KIRREL3: variants seen among roughly 807,000 people sequenced by gnomAD.
The protein encoded by KIRREL3 is kirre like nephrin family adhesion molecule 3, also known as kin of IRRE-like protein 3.
A neutral mutation model predicts 89.7 loss-of-function variants in KIRREL3; 36 were observed. The observed-to-expected ratio is 0.40, with a 90% CI of 0.31 to 0.53. The LOEUF (loss-of-function observed/expected upper bound fraction) is 0.53. Ranked by LOEUF, KIRREL3 falls within the 20% of genes least tolerant of loss-of-function variation. The pLI is 0.49. For synonymous variants in KIRREL3, 445 were observed against 441.4 expected, an observed-to-expected ratio of 1.01 and a Z score of -0.10; for missense variants, 864 against 1,056.6, an observed-to-expected ratio of 0.82 and a Z score of 2.53.
chr11:126,424,098 T>G lies in KIRREL3; in HGVS notation c.*482A>C, dbSNP rs1591509474. ...TATGAGCAGCAGTGGGGAGCCGGGG[T>G]TTCTGGGGCAGCTCAGTGCTGGGAA... On this transcript the variant is annotated 3_prime_UTR_variant, in exon 17 of 17. Coordinates refer to ENST00000525144, the MANE Select transcript of KIRREL3 (RefSeq NM_032531.4). 1.2e-5 allele frequency: 2 copies of G among 164,202 alleles called. No homozygotes were observed. The highest frequency in any genetic ancestry group is 2.7e-5 in the Non-Finnish European group (2 of 74,904). The allele number at this position is 164,202 out of a possible 1,614,324, so 10.2% of individuals were successfully genotyped here. A position where few individuals can be genotyped will look rare whatever the true frequency, so the allele number is the denominator to read the frequency against.
At position 126,605,574 on chromosome 11, in the gene KIRREL3, G is replaced by A. The variant is rs1328017357; in HGVS notation, c.56-42662C>T. ...AATAGGAGCTCTGCTCACAGCCTGTGCTGGGCACTTCATTTCCCAGAGACA... is the reference window on the plus strand; with the variant it reads ...AATAGGAGCTCTGCTCACAGCCTGTACTGGGCACTTCATTTCCCAGAGACA... On this transcript the variant is annotated intron_variant, in intron 1 of 16. Coordinates refer to ENST00000525144, the MANE Select transcript of KIRREL3 (RefSeq NM_032531.4). The surrounding 1 kb of genome is among the most constrained non-coding windows in gnomAD (Gnocchi z 5.7). 6.6e-6 allele frequency among the ~76,000 whole-genome samples: 1 copy of A among 152,262 alleles called. No individual in the cohort carries two copies. Among genetic ancestry groups the A allele is most frequent in the East Asian group, 1.9e-4 (1 of 5,200 alleles).
Position 126,521,597 on chromosome 11 carries a change from C to T in KIRREL3, c.284-133G>A, listed in dbSNP as rs1958588752. The stretch of plus-strand genomic sequence containing the variant: ...GCAGAGCGGGTGATTGCTCAGGGCT[C>T]TGATCTCAGTGCAAGGAGCACAAAT... On this transcript the variant is annotated intron_variant, in intron 3 of 16. Coordinates refer to ENST00000525144, the MANE Select transcript of KIRREL3 (RefSeq NM_032531.4). The surrounding 1 kb of genome is among the most constrained non-coding windows in gnomAD (Gnocchi z 4.1). The T allele has an allele frequency of 1.3e-6, 1 of 758,228 alleles. No individual in the cohort carries two copies. The highest frequency in any genetic ancestry group is 2.1e-6 in the Non-Finnish European group (1 of 473,878). 47.0% of individuals were successfully genotyped at this position (758,228 alleles called of 1,614,324 possible).
At chr11:126,756,777 T>A (rs1949516855) in intron 1 of KIRREL3, among the ~76,000 whole-genome samples, 1 of 152,218 alleles carries the variant, frequency 6.6e-6, no homozygotes, top group Non-Finnish European at 1.5e-5. Context: ...TTCTCCTTCC[T>A]TTGCTTTGAG....
At position 126,697,560 on chromosome 11, in the gene KIRREL3, T is replaced by A. The variant is rs1469536353; in HGVS notation, c.56-134648A>T. Among the ~76,000 whole-genome samples, 3 of 152,196 alleles carry A rather than the reference T, an allele frequency of 2.0e-5. No homozygotes were observed. The highest frequency in any genetic ancestry group is 4.4e-5 in the Non-Finnish European group (3 of 68,040). ...GCTCTTTGTTTAATGAATGAATACA[T>A]GAATAGTGATTAGAGATGAGGCCCC... On this transcript the variant is annotated intron_variant, in intron 1 of 16. Transcript: ENST00000525144. This position sits in a 1 kb window ranked among gnomAD's most constrained non-coding sequence, Gnocchi z 4.2.
chr11:126,808,167 T>C lies in KIRREL3; in HGVS notation c.55+192288A>G, dbSNP rs1489762578. The stretch of plus-strand genomic sequence containing the variant: ...GAGCAATTGTATGTAGTTTGGAGAA[T>C]AGGGCCCTCATCTTGAGGCTGGGAG... On this transcript the variant is annotated intron_variant, in intron 1 of 16. Transcript: ENST00000525144. The surrounding 1 kb of genome is among the most constrained non-coding windows in gnomAD (Gnocchi z 4.1). Among the ~76,000 whole-genome samples the C allele has an allele frequency of 6.6e-6, 1 of 152,168 alleles. No individual in the cohort carries two copies. Among genetic ancestry groups the C allele is most frequent in the African/African-American group, 2.4e-5 (1 of 41,440 alleles).
rs1236282160 is a variant in KIRREL3 at position 126,564,201 on chromosome 11, C to T, written c.56-1289G>A. On this transcript the variant is annotated intron_variant, in intron 1 of 16. Coordinates refer to ENST00000525144, the MANE Select transcript of KIRREL3 (RefSeq NM_032531.4). The surrounding 1 kb of genome is among the most constrained non-coding windows in gnomAD (Gnocchi z 7.4). The stretch of plus-strand genomic sequence containing the variant: ...ATCACAGCACCTTCTCCCACGACAC[C>T]GACTGCCTCCCTGAACCCAGCCAGT... Among the ~76,000 whole-genome samples the T allele has an allele frequency of 2.0e-5, 3 of 152,202 alleles. No homozygotes were observed. The highest frequency in any genetic ancestry group is 1.9e-4 in the East Asian group (1 of 5,196).
At chr11:126,533,194 A>C (rs1046368947) in intron 2 of KIRREL3, among the ~76,000 whole-genome samples, 5 of 152,202 alleles carry the variant, frequency 3.3e-5, no homozygotes, top group Non-Finnish European at 1.5e-5. Flanking sequence ...GTCCTATGAG[A>C]TAGGTACCGT....
rs1208494851 is a variant in KIRREL3, at chr11:126,697,269, C to T, written c.56-134357G>A. On this transcript the variant is annotated intron_variant, in intron 1 of 16. Transcript: ENST00000525144. This position sits in a 1 kb window ranked among gnomAD's most constrained non-coding sequence, Gnocchi z 4.2. ...CAGGACTACAAGAAGGCGGGACTTC[C>T]TCTATTGCCCTAGGCCCTGGGGTGA... Among the ~76,000 whole-genome samples the T allele has an allele frequency of 1.3e-5, 2 of 152,222 alleles. No homozygotes were observed. The highest frequency in any genetic ancestry group is 2.9e-5 in the Non-Finnish European group (2 of 68,028).
In KIRREL3 at chr11:126,473,609, G is replaced by A. The variant is rs1211467839; in HGVS notation, c.434-143C>T. On this transcript the variant is annotated intron_variant, in intron 4 of 16. Transcript: ENST00000525144. ...ACGCATCGTCCGCTTGTATCGTAAT[G>A]ATGAGAGCAGCACCCACAGTGATCC... 4 of 673,188 alleles carry A rather than the reference G, an allele frequency of 5.9e-6. No individual in the cohort carries two copies. The African/African-American group carries it at 7.2e-5, about 12-fold the overall frequency. 41.7% of individuals were successfully genotyped at this position (673,188 alleles called of 1,614,324 possible).
At chr11:126,591,439 C>T (rs1325809774) in intron 1 of KIRREL3, among the ~76,000 whole-genome samples, 1 of 152,196 alleles carries the variant, frequency 6.6e-6, no homozygotes, top group Non-Finnish European at 1.5e-5. Flanking sequence ...CTGGTTATAA[C>T]AGCCAGGGCA....
intron 1 of KIRREL3, among the ~76,000 whole-genome samples, chr11:126,816,787 C>T (rs1951586946): frequency 6.6e-6 from 1 of 152,202 alleles, no homozygotes; most frequent in Non-Finnish European, 1.5e-5. Context: ...CAGACCAAAG[C>T]CACTCTGAAA....
In KIRREL3 at chr11:126,521,328, G is replaced by A. The variant is rs1280131840; in HGVS notation, c.420C>T (p.Arg140=). 2 of 1,547,668 alleles carry A rather than the reference G, an allele frequency of 1.3e-6. No homozygotes were observed. The highest frequency in any genetic ancestry group is 1.7e-6 in the Non-Finnish European group (2 of 1,144,392). Residue 140 remains arginine (R), a synonymous_variant, in exon 4 of 17, where the codon CGC becomes CGT. Transcript: ENST00000525144. The surrounding 1 kb of genome is among the most constrained non-coding windows in gnomAD (Gnocchi z 4.1). ...GATGGTTCTTACCCAGGACTGTGAG[G>A]CGTGCGGGGCGGGAGCGGATGGCGG... ...IQAAIRSRPA[R]LTVLVPPDDP...
intron 1 of KIRREL3, among the ~76,000 whole-genome samples, chr11:126,819,342 G>A (rs1304075440): frequency 6.6e-6 from 1 of 152,198 alleles, no homozygotes; most frequent in Non-Finnish European, 1.5e-5. Context: ...ATGTGCAGAA[G>A]GAGGACAAGG....
intron 5 of KIRREL3, among the ~76,000 whole-genome samples, chr11:126,468,246 C>G (rs78338179): frequency 0.012 from 1,767 of 152,310 alleles, 41 homozygotes; most frequent in African/African-American, 0.04. Context: ...TCCACTCTGG[C>G]GCCAGGCCCT....
In KIRREL3 at chr11:126,931,302, A is replaced by C. The variant is rs780881375; in HGVS notation, c.55+69153T>G. ...ACTGAAATCAAGATTGAATGAATGA[A>C]TGAATGGATAGACTGGAATCTATTA... On this transcript the variant is annotated intron_variant, in intron 1 of 16. Transcript: ENST00000525144. The surrounding 1 kb of genome is among the most constrained non-coding windows in gnomAD (Gnocchi z 5.1). Among the ~76,000 whole-genome samples the C allele has an allele frequency of 2.0e-5, 3 of 152,186 alleles. No homozygotes were observed. Among genetic ancestry groups the C allele is most frequent in the Non-Finnish European group, 4.4e-5 (3 of 68,036 alleles).
Position 126,729,439 on chromosome 11 carries a change from C to T in KIRREL3, c.56-166527G>A, listed in dbSNP as rs145252611. On this transcript the variant is annotated intron_variant, in intron 1 of 16. Coordinates refer to ENST00000525144, the MANE Select transcript of KIRREL3 (RefSeq NM_032531.4). This position sits in a 1 kb window ranked among gnomAD's most constrained non-coding sequence, Gnocchi z 4.5. ...AGGAGAGACAGGAAATTGAAATTGG[C>T]GCCATTCTTCTAGATTGCCCAGAGT... Among the ~76,000 whole-genome samples the T allele has an allele frequency of 3.9e-5, 6 of 152,280 alleles. No homozygotes were observed. The East Asian group carries it at 7.7e-4, about 20-fold the overall frequency.
chr11:126,866,464 C>A (rs745616392), intron 1 of KIRREL3, among the ~76,000 whole-genome samples: 1 of 152,144 alleles, frequency 6.6e-6, no homozygotes, highest in Admixed American at 6.5e-5. Context: ...CAAATGGAAT[C>A]GCTCCTTGCC....
chr11:126,460,536 C>T (rs541110611), intron 6 of KIRREL3, among the ~76,000 whole-genome samples: 5 of 152,286 alleles, frequency 3.3e-5, no homozygotes, highest in Admixed American at 1.3e-4. Context: ...CTGCCTTGGA[C>T]GAGGCTGGTC....
Position 126,655,705 on chromosome 11 carries a change from G to A in KIRREL3, c.56-92793C>T, listed in dbSNP as rs1470815403. ...AAGGCTGTGTCTCAAGCATTTCAGGGGGCTGCAGATTTAGGGGGACAGTCC... is the reference window on the plus strand; with the variant it reads ...AAGGCTGTGTCTCAAGCATTTCAGGAGGCTGCAGATTTAGGGGGACAGTCC... On this transcript the variant is annotated intron_variant, in intron 1 of 16. Transcript: ENST00000525144. This position sits in a 1 kb window ranked among gnomAD's most constrained non-coding sequence, Gnocchi z 5.0. 6.6e-6 allele frequency among the ~76,000 whole-genome samples: 1 copy of A among 152,102 alleles called. No individual in the cohort carries two copies. The highest frequency in any genetic ancestry group is 1.5e-5 in the Non-Finnish European group (1 of 68,020).
Sources: allele counts gnomAD v4.1 joint callset (sites outside exome capture counted in the v4.1 genomes callset), GRCh38; gene constraint gnomAD v4.1.1; non-coding constraint Gnocchi (gnomAD v3.1); transcripts MANE v1.5; gene names NCBI Gene and HGNC (gene_info 2026-07-23, HGNC 2026-07-21).